MLIP: variants seen among roughly 807,000 people sequenced by gnomAD.
MLIP encodes muscular LMNA interacting protein.
Under a neutral mutation model 84.8 loss-of-function variants are expected in MLIP, and 79 were observed. The ratio of observed to expected loss-of-function variants is 0.93; its 90% CI spans 0.78 to 1.12. MLIP has a LOEUF of 1.12. MLIP is among the 50% of genes most tolerant of loss of function. The pLI is 0.00. For synonymous variants in MLIP, 504 were observed against 463.0 expected (o/e 1.09, Z -1.14); for missense variants, 1,257 against 1,160.6 (o/e 1.08, Z -1.21).
intron 4 of MLIP, among the ~76,000 whole-genome samples, chr6:54,141,830 A>G (rs980699361): frequency 7.9e-5 from 12 of 152,200 alleles, no homozygotes; most frequent in African/African-American, 2.9e-4. Flanking sequence ...CTTACCGAAG[A>G]CAGTCTGAAG....
At chr6:54,156,776 T>C (rs1774076127) in intron 5 of MLIP, among the ~76,000 whole-genome samples, 1 of 152,122 alleles carries the variant, frequency 6.6e-6, no homozygotes, top group Admixed American at 6.6e-5. Context: ...CCTATCATAT[T>C]CTCTATCCTG....
intron 11 of MLIP, among the ~76,000 whole-genome samples, chr6:54,230,374 T>G (rs1464816822): frequency 6.6e-6 from 1 of 152,182 alleles, no homozygotes; most frequent in Non-Finnish European, 1.5e-5. Context: ...ATGAAGATGT[T>G]CCTAACCCCA....
chr6:54,176,285 T>A (rs955549013), intron 9 of MLIP, among the ~76,000 whole-genome samples: 15 of 149,988 alleles, frequency 1.0e-4, no homozygotes, highest in African/African-American at 3.6e-4. Context: ...TGTTTGTTTG[T>A]TTTTTTGAAT....
chr6:54,114,886 G>A (rs1046497970), intron 1 of MLIP, among the ~76,000 whole-genome samples: 5 of 152,146 alleles, frequency 3.3e-5, no homozygotes, highest in South Asian at 2.1e-4. Context: ...AGGACTGAAG[G>A]CCATAAAAAA....
intron 1 of MLIP, among the ~76,000 whole-genome samples, chr6:54,031,112 A>G (rs139092305): frequency 3.0e-4 from 46 of 152,298 alleles, no homozygotes; most frequent in African/African-American, 1.0e-3. Flanking sequence ...GTGCAGCCCT[A>G]TTAGCCAAAC....
In MLIP at chr6:54,077,483, G is replaced by A. The variant is rs534326340; in HGVS notation, c.64-43964G>A. Among the ~76,000 whole-genome samples, 3 of 151,662 alleles carry A rather than the reference G, an allele frequency of 2.0e-5. No homozygotes were observed. In the East Asian group the frequency reaches 5.8e-4, roughly 29 times the overall value. ...CTATGAAAAACAGACTACATTCAAA[G>A]CTTTAATATTCAAAACAATTACACA... On this transcript the variant is annotated intron_variant, in intron 1 of 12. Transcript: ENST00000274897.
intron 1 of MLIP, among the ~76,000 whole-genome samples, chr6:54,091,937 T>C (rs914910491): frequency 1.3e-5 from 2 of 152,186 alleles, no homozygotes; most frequent in African/African-American, 4.8e-5. Flanking sequence ...AACAAGATTG[T>C]CTCTAAACTA....
chr6:54,212,826 C>G (rs920097109), intron 11 of MLIP, among the ~76,000 whole-genome samples: 2 of 152,176 alleles, frequency 1.3e-5, no homozygotes, highest in Admixed American at 1.3e-4. Context: ...TAAATACACA[C>G]ACATACATAT....
chr6:54,205,565 C>G (rs956071145), intron 11 of MLIP, among the ~76,000 whole-genome samples: 4 of 152,070 alleles, frequency 2.6e-5, no homozygotes, highest in African/African-American at 7.2e-5. Flanking sequence ...TGAGACCTGA[C>G]AGAAATGTAT....
intron 12 of MLIP, among the ~76,000 whole-genome samples, chr6:54,238,088 G>A (rs1465783218): frequency 1.3e-5 from 2 of 152,158 alleles, no homozygotes; most frequent in South Asian, 2.1e-4. Flanking sequence ...AAAGTACCAT[G>A]TACAACACAC....
At chr6:54,140,486 A>G (rs973944853) in intron 4 of MLIP, among the ~76,000 whole-genome samples, 1 of 152,204 alleles carries the variant, frequency 6.6e-6, no homozygotes, top group Non-Finnish European at 1.5e-5. Context: ...GAATGATTAT[A>G]ATTTAACTAC....
intron 12 of MLIP, among the ~76,000 whole-genome samples, chr6:54,241,326 AG>A (rs1781722976): frequency 6.6e-6 from 1 of 151,954 alleles, no homozygotes; most frequent in African/African-American, 2.4e-5. Flanking sequence ...ACTATAATAT[AG>A]TATATACTGT....
chr6:54,213,755 G>T (rs568662101), intron 11 of MLIP, among the ~76,000 whole-genome samples: 14 of 129,446 alleles, frequency 1.1e-4, no homozygotes, highest in Non-Finnish European at 1.8e-4. Flanking sequence ...AGCATATCTT[G>T]TATGTACGTA....
At chr6:54,195,150 C>G (rs770166968) in intron 10 of MLIP, among the ~76,000 whole-genome samples, 8 of 152,000 alleles carry the variant, frequency 5.3e-5, no homozygotes, top group Non-Finnish European at 5.9e-5. Context: ...GAAGACAAAA[C>G]TGCAGCAAAT....
intron 12 of MLIP, among the ~76,000 whole-genome samples, chr6:54,239,104 A>G (rs1415353367): frequency 6.6e-6 from 1 of 152,000 alleles, no homozygotes; most frequent in Admixed American, 6.6e-5. Flanking sequence ...CAGTATTTAT[A>G]TCTGGAGTAG....
chr6:54,190,049 G>C, intron 10 of MLIP, 135 bp downstream of exon 10: 1 of 635,342 alleles, frequency 1.6e-6, no homozygotes, highest in Non-Finnish European at 2.6e-6. Context: ...ACATTTTACT[G>C]ATATTTTCCA....
chr6:54,102,826 G>A (rs534035751), intron 1 of MLIP, among the ~76,000 whole-genome samples: 4 of 152,182 alleles, frequency 2.6e-5, no homozygotes, highest in African/African-American at 4.8e-5. Flanking sequence ...TCCAACTGGG[G>A]AGCCAGACAC....
At chr6:54,204,900 A>G (rs553495629) in intron 11 of MLIP, among the ~76,000 whole-genome samples, 2 of 152,318 alleles carry the variant, frequency 1.3e-5, no homozygotes, top group South Asian at 2.1e-4. Context: ...CCCCATTTGA[A>G]TGTGGAACAT....
chr6:54,229,741 G>C (rs1396270156), intron 11 of MLIP, among the ~76,000 whole-genome samples: 2 of 152,070 alleles, frequency 1.3e-5, no homozygotes, highest in Non-Finnish European at 2.9e-5. Context: ...TGGTGTATAT[G>C]TACCACATTT....
Sources: allele counts gnomAD v4.1 joint callset (sites outside exome capture counted in the v4.1 genomes callset), GRCh38; gene constraint gnomAD v4.1.1; transcripts MANE v1.5; gene names NCBI Gene and HGNC (gene_info 2026-07-23, HGNC 2026-07-21).